The following SMG1 variants were observed in gnomAD, a reference collection of about 807,000 sequenced individuals.
SMG1 encodes serine/threonine-protein kinase SMG1.
A neutral mutation model predicts 419.9 loss-of-function variants in SMG1; 22 were observed. The observed-to-expected ratio is 0.05, with a 90% CI of 0.04 to 0.07. The LOEUF is 0.07. Among genes scored for constraint, SMG1 ranks in the 10% least tolerant of loss-of-function variants. SMG1 has a pLI of 1.00. For missense variants in SMG1, 3,185 were observed against 4,342.0 expected, an observed-to-expected ratio of 0.73 and a Z score of 7.49; for synonymous variants, 1,538 against 1,553.5, an observed-to-expected ratio of 0.99 and a Z score of 0.23.
intron 8 of SMG1, 103 bp downstream of exon 8, chr16:18,884,987 T>A: frequency 1.5e-6 from 1 of 649,030 alleles, no homozygotes; most frequent in Non-Finnish European, 2.7e-6. Flanking sequence ...TCTGAATTAG[T>A]TTTCTTGCAT....
chr16:18,858,909 T>G, intron 28 of SMG1, 113 bp downstream of exon 28: 1 of 780,432 alleles, frequency 1.3e-6, no homozygotes, highest in East Asian at 3.0e-5. Flanking sequence ...TTTCTGGATC[T>G]ACTAGCTTGC....
Position 18,889,510 on chromosome 16 carries a change from C to A in SMG1, c.684G>T (p.Glu228Asp). Reference sequence around the variant, plus strand: ...AAATCCACTTGAAGATCTTCTCAGCCTCATAGCTCAGAGAAGCACAAAGAA... The same window carrying A: ...AAATCCACTTGAAGATCTTCTCAGCATCATAGCTCAGAGAAGCACAAAGAA... Reference protein sequence around the residue: ...LGLLCASLSYEAEKIFKWIFS... With the variant: ...LGLLCASLSYDAEKIFKWIFS... Residue 228 changes from glutamate (E) to aspartate (D), a missense_variant, in exon 6 of 63, where the codon GAG (glutamate) becomes GAT (aspartate). By Grantham distance (45) the Glu-to-Asp change is conservative (BLOSUM62 2). Transcript: ENST00000446231. 1.7e-6 allele frequency: 1 copy of A among 593,142 alleles called. No individual in the cohort carries two copies. The highest frequency in any genetic ancestry group is 2.0e-5 in the South Asian group (1 of 49,830). 36.7% of individuals were successfully genotyped at this position (593,142 alleles called of 1,614,324 possible).
chr16:18,827,889 A>T (rs1163188984), intron 55 of SMG1, 142 bp downstream of exon 55: 1 of 494,192 alleles, frequency 2.0e-6, no homozygotes, highest in Non-Finnish European at 3.1e-6. Context: ...AATTAAAAGC[A>T]AAAGTGAAAA....
At chr16:18,916,176 C>G (rs563283750) in intron 1 of SMG1, among the ~76,000 whole-genome samples, 4 of 145,240 alleles carry the variant, frequency 2.8e-5, no homozygotes, top group African/African-American at 1.0e-4. Flanking sequence ...AAAGAGAATT[C>G]AATCTAAAAA....
chr16:18,816,547 T>G lies in SMG1; in HGVS notation c.10075-18A>C. On this transcript the variant is annotated intron_variant, in intron 57 of 62. Transcript: ENST00000446231. ...CCAGTGTCCTAAATAGAACAAGCAT[T>G]TGTTTGACTTCGAGTATCAGCTGAA... 1.2e-6 allele frequency: 2 copies of G among 1,600,688 alleles called. No homozygotes were observed. Among genetic ancestry groups the G allele is most frequent in the Non-Finnish European group, 1.7e-6 (2 of 1,170,584 alleles).
chr16:18,832,822 T>C (rs915052814), intron 51 of SMG1, 118 bp downstream of exon 51: 7 of 827,570 alleles, frequency 8.5e-6, no homozygotes, highest in Non-Finnish European at 1.4e-5. Context: ...TGAGCATTTA[T>C]AAGTAATTAT....
intron 1 of SMG1, chr16:18,911,580 T>G (rs1209579266): frequency 6.6e-6 from 1 of 152,180 alleles, no homozygotes; most frequent in African/African-American, 2.4e-5. Flanking sequence ...AATATTTTTC[T>G]AAATATTCAC....
intron 1 of SMG1, among the ~76,000 whole-genome samples, chr16:18,914,414 C>T (rs2037896557): frequency 6.6e-6 from 1 of 152,028 alleles, no homozygotes; most frequent in Admixed American, 6.6e-5. Flanking sequence ...TGGTGGCTCA[C>T]GCCTGTAATC....
intron 41 of SMG1, 44 bp downstream of exon 41, chr16:18,841,521 T>C (rs769064986): frequency 7.7e-6 from 12 of 1,556,916 alleles, no homozygotes; most frequent in African/African-American, 1.4e-5. Flanking sequence ...TTTCACATAA[T>C]AACAGAGAAT....
chr16:18,833,428 G>T (rs1288204740), intron 50 of SMG1, among the ~76,000 whole-genome samples: 2 of 151,966 alleles, frequency 1.3e-5, no homozygotes, highest in South Asian at 2.1e-4. Context: ...TTCCTAGGAT[G>T]ATGTACCTTA....
chr16:18,898,429 A>G (rs1433916572), intron 1 of SMG1, among the ~76,000 whole-genome samples: 2 of 134,514 alleles, frequency 1.5e-5, no homozygotes, highest in African/African-American at 2.5e-5. Context: ...ATGTATGAGA[A>G]TATTTTCTGA....
intron 56 of SMG1, 33 bp downstream of exon 56, chr16:18,819,469 G>A: frequency 6.3e-7 from 1 of 1,599,326 alleles, no homozygotes; most frequent in Non-Finnish European, 8.5e-7. Context: ...CTGTAAAAGT[G>A]AATACAAAGA....
At chr16:18,910,601 G>C (rs1160821457) in intron 1 of SMG1, among the ~76,000 whole-genome samples, 1 of 151,972 alleles carries the variant, frequency 6.6e-6, no homozygotes, top group Non-Finnish European at 1.5e-5. Context: ...CTGGGCTCAA[G>C]TGATCCACCC....
Position 18,885,330 on chromosome 16 carries a change from T to C in SMG1, c.949-168A>G, listed in dbSNP as rs1347715718. ...GGGGCAGGAAAATAAAAGAACTACA[T>C]TTCTGACAACAATGAAATAGTTTAT... On this transcript the variant is annotated intron_variant, in intron 7 of 62. Coordinates refer to ENST00000446231, the MANE Select transcript of SMG1 (RefSeq NM_015092.5). 4.4e-6 allele frequency: 3 copies of C among 684,064 alleles called. No individual in the cohort carries two copies. The African/African-American group carries it at 5.4e-5, about 12-fold the overall frequency. The allele number at this position is 684,064 out of a possible 1,614,324, so 42.4% of individuals were successfully genotyped here.
intron 16 of SMG1, among the ~76,000 whole-genome samples, chr16:18,871,094 G>T (rs1343166421): frequency 1.3e-5 from 2 of 152,092 alleles, no homozygotes; most frequent in Non-Finnish European, 2.9e-5. Flanking sequence ...TAACTGATGG[G>T]TCATCACACA....
chr16:18,870,221 C>G (rs2035741836), intron 18 of SMG1, among the ~76,000 whole-genome samples: 1 of 152,134 alleles, frequency 6.6e-6, no homozygotes, highest in Non-Finnish European at 1.5e-5. Context: ...GCATATCAAA[C>G]ATGTGAAAAT....
rs562261650 is a variant in SMG1 at position 18,813,350 on chromosome 16, A to G, written c.10622-1223T>C. ...GCACCTGTTGTTTCCTGACTTTTTA[A>G]TGATGGCCATTCTAACTGGTGTGAG... On this transcript the variant is annotated intron_variant, in intron 60 of 62. Coordinates refer to ENST00000446231, the MANE Select transcript of SMG1 (RefSeq NM_015092.5). 6.1e-3 allele frequency among the ~76,000 whole-genome samples: 933 copies of G among 152,232 alleles called. 8 individuals carry two copies. Among genetic ancestry groups the G allele is most frequent in the Non-Finnish European group, 0.011 (748 of 68,000 alleles).
At chr16:18,876,093 T>A (rs757645265) in intron 13 of SMG1, 31 bp downstream of exon 13, 15 of 1,609,362 alleles carry the variant, frequency 9.3e-6, no homozygotes, top group Admixed American at 1.7e-5. Context: ...TAACTGTGGA[T>A]AAAACAAAGT....
intron 6 of SMG1, among the ~76,000 whole-genome samples, chr16:18,887,517 T>TTTGTTTTTTTG (rs1491342520): frequency 3.1e-4 from 12 of 38,366 alleles, no homozygotes; most frequent in African/African-American, 9.3e-4. Flanking sequence ...TTTTTTTTCC[T>TTTGTTTTTTTG]TTTTTTTTTT....
Sources: allele counts gnomAD v4.1 joint callset (sites outside exome capture counted in the v4.1 genomes callset), GRCh38; gene constraint gnomAD v4.1.1; transcripts MANE v1.5; gene names NCBI Gene and HGNC (gene_info 2026-07-23, HGNC 2026-07-21).